Variants in CFDP1 observed in about 807,000 individuals in gnomAD.
CFDP1 encodes the protein heterochromatin-stabilizing protein CFDP1.
A neutral mutation model predicts 40.1 loss-of-function variants in CFDP1; 31 were observed. The observed-to-expected ratio is 0.77, with a 90% CI of 0.58 to 1.04. The LOEUF is 1.04. Among genes scored for constraint, CFDP1 ranks in the 50% least tolerant of loss-of-function variants. The pLI, the probability that CFDP1 is intolerant of heterozygous loss-of-function variation, is 0.00. For missense variants in CFDP1, 423 were observed against 343.4 expected (o/e 1.23, Z -1.83); for synonymous variants, 167 against 120.0 (o/e 1.39, Z -2.56).
At chr16:75,407,905 C>T (rs1462923078) in intron 4 of CFDP1, among the ~76,000 whole-genome samples, 2 of 151,882 alleles carry the variant, frequency 1.3e-5, no homozygotes, top group Non-Finnish European at 2.9e-5. Flanking sequence ...CCCAGAAGTT[C>T]GAGACCAGCC....
At chr16:75,333,421 C>G (rs528723494) in intron 5 of CFDP1, among the ~76,000 whole-genome samples, 2 of 152,184 alleles carry the variant, frequency 1.3e-5, no homozygotes, top group African/African-American at 2.4e-5. Context: ...CCACACCCAG[C>G]CTATTCATGT....
intron 5 of CFDP1, among the ~76,000 whole-genome samples, chr16:75,331,050 C>A (rs2078442950): frequency 6.6e-6 from 1 of 151,602 alleles, no homozygotes; most frequent in African/African-American, 2.4e-5. Context: ...CACAGCTATT[C>A]AGGACAGGCC....
At chr16:75,319,569 C>T (rs941990881) in intron 5 of CFDP1, among the ~76,000 whole-genome samples, 2 of 152,112 alleles carry the variant, frequency 1.3e-5, no homozygotes, top group Non-Finnish European at 2.9e-5. Context: ...CAGTGGCATC[C>T]GCAACATCGT....
At chr16:75,323,219 T>C (rs2078377627) in intron 5 of CFDP1, among the ~76,000 whole-genome samples, 1 of 151,530 alleles carries the variant, frequency 6.6e-6, no homozygotes, top group Non-Finnish European at 1.5e-5. Flanking sequence ...GTTTTTACTT[T>C]TTAACGTTAA....
chr16:75,410,530 T>C (rs1355771859), intron 4 of CFDP1, among the ~76,000 whole-genome samples: 2 of 152,084 alleles, frequency 1.3e-5, no homozygotes, highest in Admixed American at 6.6e-5. Flanking sequence ...TCTCAGCACT[T>C]TGTGAGGCCA....
intron 5 of CFDP1, chr16:75,372,601 A>G (rs2078761390): frequency 6.6e-6 from 1 of 152,228 alleles, no homozygotes; most frequent in South Asian, 2.1e-4. Context: ...TAAGTGAGTT[A>G]TTCTAGCTGT....
chr16:75,300,441 C>T (rs2078214388), intron 6 of CFDP1, among the ~76,000 whole-genome samples: 1 of 152,206 alleles, frequency 6.6e-6, no homozygotes, highest in Admixed American at 6.5e-5. Flanking sequence ...GTGCCCACCA[C>T]CACGCCCGGC....
At chr16:75,355,811 T>C (rs4888385) in intron 5 of CFDP1, among the ~76,000 whole-genome samples, 73,246 of 152,124 alleles carry the variant, frequency 0.48, 19,579 homozygotes, top group Admixed American at 0.63. Context: ...CCTTCCGCCA[T>C]GACTGTAAGT....
At chr16:75,376,667 T>C (rs904858569) in intron 5 of CFDP1, among the ~76,000 whole-genome samples, 1 of 152,184 alleles carries the variant, frequency 6.6e-6, no homozygotes, top group African/African-American at 2.4e-5. Flanking sequence ...GGATAGTGGC[T>C]ATGAAGTAGT....
intron 2 of CFDP1, among the ~76,000 whole-genome samples, chr16:75,413,957 TAC>T (rs1208291475): frequency 5.3e-5 from 8 of 152,312 alleles, no homozygotes; most frequent in African/African-American, 1.9e-4. Context: ...ATACATTATA[TAC>T]ATTTATATAT....
At chr16:75,373,032 T>A (rs549759135) in intron 5 of CFDP1, among the ~76,000 whole-genome samples, 1 of 152,200 alleles carries the variant, frequency 6.6e-6, no homozygotes, top group Non-Finnish European at 1.5e-5. Flanking sequence ...TGATTCCTGA[T>A]GCAGGAACTG....
At chr16:75,430,591 G>A (rs1317902250) in intron 1 of CFDP1, among the ~76,000 whole-genome samples, 1 of 151,858 alleles carries the variant, frequency 6.6e-6, no homozygotes, top group Non-Finnish European at 1.5e-5. Context: ...AGCCTCCCCA[G>A]TAGATAGGAT....
chr16:75,381,700 G>A (rs574623568), intron 5 of CFDP1, among the ~76,000 whole-genome samples: 3 of 152,278 alleles, frequency 2.0e-5, no homozygotes, highest in Admixed American at 1.3e-4. Flanking sequence ...GGAGGATTTA[G>A]GGAAACTGAG....
intron 5 of CFDP1, among the ~76,000 whole-genome samples, chr16:75,390,493 A>G (rs926950194): frequency 2.6e-5 from 4 of 152,116 alleles, no homozygotes; most frequent in Non-Finnish European, 4.4e-5. Context: ...CTATCCACTG[A>G]CCACCTGCCT....
intron 5 of CFDP1, among the ~76,000 whole-genome samples, chr16:75,351,642 T>C (rs2078611778): frequency 6.6e-6 from 1 of 152,188 alleles, no homozygotes; most frequent in Non-Finnish European, 1.5e-5. Flanking sequence ...GAGGTTAGTG[T>C]ACCAATCAAT....
At chr16:75,356,236 G>C (rs1281734982) in intron 5 of CFDP1, among the ~76,000 whole-genome samples, 1 of 152,166 alleles carries the variant, frequency 6.6e-6, no homozygotes, top group East Asian at 1.9e-4. Flanking sequence ...ATCACAGCTT[G>C]TCAGGAGTGA....
chr16:75,373,998 A>G (rs2151542102), intron 5 of CFDP1, among the ~76,000 whole-genome samples: 1 of 152,136 alleles, frequency 6.6e-6, no homozygotes, highest in East Asian at 1.9e-4. Flanking sequence ...CACACCTGTA[A>G]TCCCAGCACT....
At chr16:75,424,488 G>A (rs376960944) in intron 1 of CFDP1, among the ~76,000 whole-genome samples, 3 of 152,090 alleles carry the variant, frequency 2.0e-5, no homozygotes, top group Non-Finnish European at 4.4e-5. Context: ...AGACGCGGTG[G>A]CTCACGCCTA....
At chr16:75,347,488 G>A (rs924965346) in intron 5 of CFDP1, among the ~76,000 whole-genome samples, 2 of 151,928 alleles carry the variant, frequency 1.3e-5, no homozygotes, top group African/African-American at 4.8e-5. Context: ...GACCATCCTG[G>A]TTAACACGGT....
Sources: gnomAD v4.1 joint callset for allele counts (sites outside exome capture counted in the v4.1 genomes callset) on GRCh38, gnomAD v4.1.1 for gene constraint, MANE v1.5 for transcripts, NCBI Gene and HGNC (gene_info 2026-07-23, HGNC 2026-07-21) for gene names.